PRKD1: variants seen among roughly 807,000 people sequenced by gnomAD.
The protein encoded by PRKD1 is serine/threonine-protein kinase D1.
In PRKD1, 63 loss-of-function variants were observed where a neutral mutation model predicts 95.9. The observed-to-expected ratio is 0.66, with a 90% CI of 0.54 to 0.81. PRKD1 has a LOEUF of 0.81. PRKD1 is among the 30% of genes least tolerant of loss of function. The pLI is 0.00. For missense variants in PRKD1, 1,048 were observed against 1,165.3 expected (o/e 0.90, Z 1.47); for synonymous variants, 425 against 423.1 (o/e 1.00, Z -0.05).
intron 1 of PRKD1, among the ~76,000 whole-genome samples, chr14:29,881,870 T>G (rs1319368328): frequency 6.6e-6 from 1 of 152,204 alleles, no homozygotes; most frequent in Admixed American, 6.5e-5. Context: ...TTATTACTTC[T>G]TCCATAAAGT....
chr14:29,620,671 AAAC>A (rs560572634), intron 13 of PRKD1, among the ~76,000 whole-genome samples: 40 of 152,084 alleles, frequency 2.6e-4, no homozygotes, highest in African/African-American at 9.4e-4. Flanking sequence ...AAAAGTCAGG[AAAC>A]AACAGCTGCT....
chr14:29,687,959 G>T (rs747951476), intron 2 of PRKD1, among the ~76,000 whole-genome samples: 7 of 152,118 alleles, frequency 4.6e-5, no homozygotes, highest in Non-Finnish European at 1.0e-4. Context: ...ACAGCAATAG[G>T]ACTGTAAACT....
chr14:29,696,980 C>T (rs536988528), intron 2 of PRKD1, among the ~76,000 whole-genome samples: 10 of 152,066 alleles, frequency 6.6e-5, no homozygotes, highest in South Asian at 2.1e-4. Flanking sequence ...CGTGCTTGAG[C>T]GCCATTTTCC....
At chr14:29,738,766 CTTCCTTCCTTCCTTCT>C (rs1451912639) in intron 1 of PRKD1, among the ~76,000 whole-genome samples, 4 of 150,946 alleles carry the variant, frequency 2.6e-5, no homozygotes, top group Non-Finnish European at 4.4e-5. Context: ...TCTTTCCTTC[CTTCCTTCCTTCCTTCT>C]TTCTTTCTCT....
chr14:29,646,985 A>G (rs1217305690), intron 4 of PRKD1, among the ~76,000 whole-genome samples: 1 of 152,126 alleles, frequency 6.6e-6, no homozygotes, highest in Non-Finnish European at 1.5e-5. Flanking sequence ...CAGATTCTCT[A>G]TTCCTTGAGC....
chr14:29,686,272 T>C (rs1883863181), intron 2 of PRKD1, among the ~76,000 whole-genome samples: 1 of 152,134 alleles, frequency 6.6e-6, no homozygotes, highest in South Asian at 2.1e-4. Context: ...TCTGACTGGA[T>C]GGACTCGCGA....
At chr14:29,727,361 T>C (rs1275969854) in intron 1 of PRKD1, among the ~76,000 whole-genome samples, 1 of 151,722 alleles carries the variant, frequency 6.6e-6, no homozygotes, top group African/African-American at 2.4e-5. Context: ...TTCACTCTGA[T>C]GGTAGTTTCT....
At chr14:29,923,793 AAC>A (rs941759206) in intron 1 of PRKD1, among the ~76,000 whole-genome samples, 3 of 150,664 alleles carry the variant, frequency 2.0e-5, no homozygotes, top group Non-Finnish European at 4.4e-5. Flanking sequence ...CCTAAAGAGT[AAC>A]ACAGCTCATT....
chr14:29,785,039 A>G (rs564788933), intron 1 of PRKD1, among the ~76,000 whole-genome samples: 2 of 152,302 alleles, frequency 1.3e-5, no homozygotes, highest in Non-Finnish European at 2.9e-5. Flanking sequence ...CCCGCTCAAA[A>G]GTGATCAAGG....
chr14:29,709,538 C>G (rs1885245675), intron 2 of PRKD1, among the ~76,000 whole-genome samples: 1 of 152,112 alleles, frequency 6.6e-6, no homozygotes, highest in South Asian at 2.1e-4. Flanking sequence ...TAGATAGATA[C>G]AGATGCAGAT....
intron 1 of PRKD1, among the ~76,000 whole-genome samples, chr14:29,758,099 G>A (rs1887795138): frequency 6.6e-6 from 1 of 151,512 alleles, no homozygotes; most frequent in Admixed American, 6.6e-5. Context: ...ATGGAAGCCA[G>A]TAATTTTCTG....
rs114580016 is a variant in PRKD1 at position 29,695,717 on chromosome 14, G to A, written c.404-29509C>T. On this transcript the variant is annotated intron_variant, in intron 2 of 17. Coordinates refer to ENST00000331968, the MANE Select transcript of PRKD1 (RefSeq NM_002742.3). ...AGAGGAAGCTGGATATGAGAGTCTG[G>A]AGCTAAGGAGAGACATTTTTAAACT... Among the ~76,000 whole-genome samples the A allele has an allele frequency of 3.5e-3, 526 of 152,268 alleles. 4 individuals carry two copies. Among genetic ancestry groups the A allele is most frequent in the African/African-American group, 0.012 (508 of 41,570 alleles).
chr14:29,763,847 C>T (rs752100271), intron 1 of PRKD1, among the ~76,000 whole-genome samples: 5 of 152,202 alleles, frequency 3.3e-5, no homozygotes, highest in Non-Finnish European at 5.9e-5. Flanking sequence ...GCCGCAGCAG[C>T]TCCTACTTTA....
intron 1 of PRKD1, among the ~76,000 whole-genome samples, chr14:29,749,983 T>A (rs944797283): frequency 3.3e-5 from 5 of 152,200 alleles, no homozygotes; most frequent in African/African-American, 9.6e-5. Context: ...ATAAAAGAAG[T>A]ATCACAGAAC....
intron 13 of PRKD1, among the ~76,000 whole-genome samples, chr14:29,623,065 A>G (rs1429039858): frequency 6.6e-6 from 1 of 152,168 alleles, no homozygotes; most frequent in African/African-American, 2.4e-5. Context: ...GTTGTTTGTA[A>G]CTGATTAGCA....
intron 1 of PRKD1, among the ~76,000 whole-genome samples, chr14:29,905,565 T>C (rs1170036816): frequency 1.3e-5 from 2 of 152,148 alleles, no homozygotes; most frequent in Non-Finnish European, 2.9e-5. Context: ...AATAAAATCT[T>C]GCCAGGAAAG....
At chr14:29,731,771 T>A (rs1259298816) in intron 1 of PRKD1, among the ~76,000 whole-genome samples, 1 of 152,202 alleles carries the variant, frequency 6.6e-6, no homozygotes, top group Non-Finnish European at 1.5e-5. Context: ...TCCATGGTAC[T>A]ATGTTGTCAT....
rs532727645 is a variant in PRKD1, at chr14:29,751,839, C to T, written c.265-26165G>A. Among the ~76,000 whole-genome samples the T allele has an allele frequency of 8.5e-5, 13 of 152,282 alleles. No individual in the cohort carries two copies. In the East Asian group the frequency reaches 1.4e-3, roughly 16 times the overall value. On this transcript the variant is annotated intron_variant, in intron 1 of 17. Coordinates refer to ENST00000331968, the MANE Select transcript of PRKD1 (RefSeq NM_002742.3). ...TCAAATAGAAGTTTGAAAAGCTCCA[C>T]GGATTAGGTTTGTTTCTCTTGCTGC...
At chr14:29,581,533 T>G (rs1892756040) in intron 16 of PRKD1, among the ~76,000 whole-genome samples, 1 of 152,188 alleles carries the variant, frequency 6.6e-6, no homozygotes, top group Admixed American at 6.6e-5. Context: ...ACAGCTGAAT[T>G]TGAAACCCAG....
Sources: gnomAD v4.1 joint callset for allele counts (sites outside exome capture counted in the v4.1 genomes callset) on GRCh38, gnomAD v4.1.1 for gene constraint, MANE v1.5 for transcripts, NCBI Gene and HGNC (gene_info 2026-07-23, HGNC 2026-07-21) for gene names.